EIF2AK1: variants seen among roughly 807,000 people sequenced by gnomAD.
EIF2AK1 encodes eukaryotic translation initiation factor 2-alpha kinase 1.
EIF2AK1 carries 54 observed loss-of-function variants against 77.9 expected under a neutral mutation model. That is an observed-to-expected ratio of 0.69 (90% CI 0.56 to 0.87). The LOEUF (loss-of-function observed/expected upper bound fraction) is 0.87, where lower values mean the gene tolerates loss of function less well. Among genes scored for constraint, EIF2AK1 ranks in the 40% least tolerant of loss-of-function variants. EIF2AK1 has a pLI of 0.00. For synonymous variants in EIF2AK1, 314 were observed against 290.5 expected (o/e 1.08, Z -0.82); for missense variants, 810 against 768.6 (o/e 1.05, Z -0.64).
intron 11 of EIF2AK1, among the ~76,000 whole-genome samples, chr7:6,030,432 C>T (rs1038633785): frequency 1.2e-4 from 18 of 152,194 alleles, no homozygotes; most frequent in African/African-American, 4.3e-4. Context: ...CTCACTTTCA[C>T]TGTTCTTTGT....
intron 11 of EIF2AK1, among the ~76,000 whole-genome samples, chr7:6,034,148 A>G (rs1323602920): frequency 2.6e-5 from 4 of 151,674 alleles, no homozygotes; most frequent in Non-Finnish European, 4.4e-5. Context: ...CTCTACTAAA[A>G]ATACAAAAAC....
intron 1 of EIF2AK1, among the ~76,000 whole-genome samples, chr7:6,056,613 AATATAT>A (rs71008353): frequency 4.6e-5 from 2 of 43,730 alleles, no homozygotes; most frequent in Admixed American, 4.7e-4. Flanking sequence ...AAAAAAAAAA[AATATAT>A]ATATATATAT....
intron 2 of EIF2AK1, among the ~76,000 whole-genome samples, chr7:6,053,397 CTGTCGCCAGGCTGG>C (rs1204230405): frequency 6.6e-6 from 1 of 152,148 alleles, no homozygotes; most frequent in Non-Finnish European, 1.5e-5. Flanking sequence ...GAGTCTTGCT[CTGTCGCCAGGCTGG>C]TGTGCAATGG....
In EIF2AK1 at chr7:6,032,896, C is replaced by T; in HGVS notation, c.1333-3864G>A. ...TGCCAAGTACCACAAGGCCCAGAGT[C>T]TGCTCTGCCTGTTACGGCACGGTGC... is the stretch of plus-strand genomic sequence containing the variant. On this transcript the variant is annotated intron_variant, in intron 11 of 14. Transcript: ENST00000199389. The surrounding 1 kb of genome is among the most constrained non-coding windows in gnomAD (Gnocchi z 4.3). 1 of 1,551,052 alleles carries T rather than the reference C, an allele frequency of 6.4e-7. No homozygotes were observed.
At chr7:6,046,738 T>C (rs1410699421) in intron 5 of EIF2AK1, 4 of 302,730 alleles carry the variant, frequency 1.3e-5, no homozygotes, top group Non-Finnish European at 2.4e-5. Flanking sequence ...CCCGTCTCTA[T>C]TAAAAATACA....
intron 1 of EIF2AK1, among the ~76,000 whole-genome samples, chr7:6,056,613 A>AAATAT: frequency 2.3e-5 from 1 of 43,728 alleles, no homozygotes; most frequent in African/African-American, 8.2e-5. Flanking sequence ...AAAAAAAAAA[A>AAATAT]ATATATATAT....
In EIF2AK1 at chr7:6,038,747, T is replaced by C. The variant is rs560032337; in HGVS notation, c.1120-76A>G. On this transcript the variant is annotated intron_variant, in intron 9 of 14. Coordinates refer to ENST00000199389, the MANE Select transcript of EIF2AK1 (RefSeq NM_014413.4). ...TATTCATTTAGCCAACAAATATTAA[T>C]CTGCCTATTCTGGGCCAAGAGAGTA... is the stretch of plus-strand genomic sequence containing the variant. 5.7e-6 allele frequency: 7 copies of C among 1,224,374 alleles called. No homozygotes were observed. The East Asian group carries it at 7.7e-5, about 13-fold the overall frequency. The allele number at this position is 1,224,374 out of a possible 1,614,324, so 75.8% of individuals were successfully genotyped here.
In EIF2AK1 at chr7:6,049,933, A is replaced by T. The variant is rs778556841; in HGVS notation, c.390T>A (p.Ser130=). ...TTACCTGACGAACTCTCTCTTTAGCAGACCTCATTAAGTGAGTAATAGCTC... is the reference window on the plus strand; with the variant it reads ...TTACCTGACGAACTCTCTCTTTAGCTGACCTCATTAAGTGAGTAATAGCTC... ...HNRAITHLMR[S]AKERVRQDPC... Residue 130 remains serine (S), a synonymous_variant, in exon 3 of 15, where the codon TCT becomes TCA. Transcript: ENST00000199389. The T allele has an allele frequency of 1.2e-6, 2 of 1,611,924 alleles. No individual in the cohort carries two copies. Among genetic ancestry groups the T allele is most frequent in the Non-Finnish European group, 1.7e-6 (2 of 1,179,496 alleles).
chr7:6,055,342 C>CAAAAAA (rs58804557), intron 1 of EIF2AK1, among the ~76,000 whole-genome samples: 39 of 70,044 alleles, frequency 5.6e-4, no homozygotes, highest in East Asian at 2.8e-3. Flanking sequence ...AACTCCGTCT[C>CAAAAAA]AAAAAAAAAA....
At chr7:6,058,840 C>G in intron 1 of EIF2AK1, 126 bp downstream of exon 1, 1 of 797,702 alleles carries the variant, frequency 1.3e-6, no homozygotes. Context: ...GCTGGGCCGC[C>G]GGTTCAACCC....
chr7:6,030,288 C>T (rs979761811), intron 11 of EIF2AK1, among the ~76,000 whole-genome samples: 9 of 152,116 alleles, frequency 5.9e-5, no homozygotes, highest in African/African-American at 1.9e-4. Flanking sequence ...CCGGGAAGAT[C>T]GTAACCCTGT....
At chr7:6,052,511 A>G (rs1398035059) in intron 2 of EIF2AK1, among the ~76,000 whole-genome samples, 5 of 147,760 alleles carry the variant, frequency 3.4e-5, no homozygotes, top group Non-Finnish European at 7.4e-5. Context: ...CAAAATGATA[A>G]TGTATCTTTA....
At chr7:6,040,831 C>A in intron 9 of EIF2AK1, 61 bp downstream of exon 9, 1 of 1,374,346 alleles carries the variant, frequency 7.3e-7, no homozygotes. Context: ...CGAGAGAAGG[C>A]CACACACCTG....
At chr7:6,056,776 G>A (rs1286175589) in intron 1 of EIF2AK1, among the ~76,000 whole-genome samples, 1 of 151,202 alleles carries the variant, frequency 6.6e-6, no homozygotes, top group Non-Finnish European at 1.5e-5. Flanking sequence ...TTAGTTTGCA[G>A]AAACCCTTAT....
chr7:6,054,418 G>A lies in EIF2AK1; in HGVS notation c.277+128C>T, dbSNP rs142572016. The A allele has an allele frequency of 1.3e-3, 1,265 of 980,686 alleles. 4 individuals are homozygous for A. Among genetic ancestry groups the A allele is most frequent in the Non-Finnish European group, 1.7e-3 (1,135 of 664,886 alleles). 60.7% of individuals were successfully genotyped at this position (980,686 alleles called of 1,614,324 possible). On this transcript the variant is annotated intron_variant, in intron 2 of 14. Transcript: ENST00000199389. ...GGGGTTTCGTCATGTTAGCCAAACC[G>A]ATCTCGATCTCCGGACCTCGGGTGA...
intron 14 of EIF2AK1, among the ~76,000 whole-genome samples, chr7:6,025,982 T>C (rs1787734304): frequency 6.6e-6 from 1 of 151,750 alleles, no homozygotes; most frequent in Non-Finnish European, 1.5e-5. Flanking sequence ...CTTCATATTT[T>C]CCTCAGCATT....
At chr7:6,045,878 A>T (rs912178884) in intron 6 of EIF2AK1, among the ~76,000 whole-genome samples, 193 bp downstream of exon 6, 1 of 151,862 alleles carries the variant, frequency 6.6e-6, no homozygotes, top group South Asian at 2.1e-4. Flanking sequence ...CAACCTGGCC[A>T]AAAGAGTGAA....
At position 6,033,574 on chromosome 7, in the gene EIF2AK1, C is replaced by T. The variant is rs1298783471; in HGVS notation, c.1332+3850G>A. 6.6e-6 allele frequency among the ~76,000 whole-genome samples: 1 copy of T among 151,988 alleles called. No individual in the cohort carries two copies. Among genetic ancestry groups the T allele is most frequent in the Non-Finnish European group, 1.5e-5 (1 of 68,008 alleles). ...GTGTGAAAAATAAAATATAGGTAGA[C>T]AATGGATTTTCTTTATTTTTGGTTT... On this transcript the variant is annotated intron_variant, in intron 11 of 14. Coordinates refer to ENST00000199389, the MANE Select transcript of EIF2AK1 (RefSeq NM_014413.4). The surrounding 1 kb of genome is among the most constrained non-coding windows in gnomAD (Gnocchi z 4.4).
intron 10 of EIF2AK1, 79 bp from the exon 11 acceptor site, chr7:6,037,603 A>G (rs1788144348): frequency 1.2e-6 from 1 of 841,654 alleles, no homozygotes; most frequent in South Asian, 1.5e-5. Context: ...ATGTCATTCT[A>G]AATACATTAA....
Sources: allele counts gnomAD v4.1 joint callset (sites outside exome capture counted in the v4.1 genomes callset), GRCh38; gene constraint gnomAD v4.1.1; non-coding constraint Gnocchi (gnomAD v3.1); transcripts MANE v1.5; gene names NCBI Gene and HGNC (gene_info 2026-07-23, HGNC 2026-07-21).